The following CDH11 variants were observed in gnomAD, a reference collection of about 807,000 sequenced individuals.
CDH11 encodes the protein cadherin-11.
Under a neutral mutation model 67.8 loss-of-function variants are expected in CDH11, and 11 were observed. That is an observed-to-expected ratio of 0.16 (90% CI 0.10 to 0.27). CDH11 has a LOEUF of 0.27. Among genes scored for constraint, CDH11 ranks in the 10% least tolerant of loss-of-function variants. The pLI is 1.00. For missense variants in CDH11, 847 were observed against 1,031.2 expected (o/e 0.82, Z 2.45); for synonymous variants, 419 against 400.0 (o/e 1.05, Z -0.57).
intron 5 of CDH11, 49 bp from the exon 6 acceptor site, chr16:64,991,984 GACA>G (rs776368763): frequency 2.9e-5 from 40 of 1,396,564 alleles, no homozygotes; most frequent in Non-Finnish European, 3.4e-5. Context: ...ATAACATTAT[GACA>G]ACAAGAAAGT....
chr16:65,000,366 G>A (rs1233372923), intron 3 of CDH11, among the ~76,000 whole-genome samples: 1 of 152,114 alleles, frequency 6.6e-6, no homozygotes, highest in Non-Finnish European at 1.5e-5. Context: ...TCTGCCCTTT[G>A]TGGGAAAAAG....
upstream of CDH11, among the ~76,000 whole-genome samples, chr16:65,122,973 G>A (rs2142909763): frequency 6.6e-6 from 1 of 152,298 alleles, no homozygotes; most frequent in African/African-American, 2.4e-5. Flanking sequence ...CGGGAGAAAG[G>A]GCCTAATGGG....
intron 1 of CDH11, chr16:65,094,854 G>C (rs2074860100): frequency 6.6e-6 from 1 of 152,036 alleles, no homozygotes; most frequent in African/African-American, 2.4e-5. Context: ...CTAGACACCA[G>C]ACATGTGGCA....
intron 1 of CDH11, among the ~76,000 whole-genome samples, chr16:65,074,544 CTTT>C (rs2074475327): frequency 6.6e-6 from 1 of 152,066 alleles, no homozygotes; most frequent in African/African-American, 2.4e-5. Flanking sequence ...AATGGCATGA[CTTT>C]TTCCAAAGTC....
chr16:65,040,685 AC>A (rs1291362280), intron 2 of CDH11, among the ~76,000 whole-genome samples: 2 of 152,216 alleles, frequency 1.3e-5, no homozygotes, highest in Non-Finnish European at 2.9e-5. Flanking sequence ...GTGCACATGT[AC>A]CCTAAAACGT....
intron 2 of CDH11, among the ~76,000 whole-genome samples, chr16:65,012,447 A>C (rs1172220579): frequency 1.3e-5 from 2 of 152,232 alleles, no homozygotes; most frequent in Non-Finnish European, 2.9e-5. Context: ...GGGAACTAAA[A>C]TAGGAAGGTT....
At chr16:65,074,626 T>TC (rs1320996085) in intron 1 of CDH11, among the ~76,000 whole-genome samples, 1 of 152,128 alleles carries the variant, frequency 6.6e-6, no homozygotes, top group Non-Finnish European at 1.5e-5. Context: ...TGTGTAATTT[T>TC]CCCTATTTCC....
chr16:64,998,081 C>T (rs908774476), intron 4 of CDH11, among the ~76,000 whole-genome samples: 2 of 152,194 alleles, frequency 1.3e-5, no homozygotes, highest in African/African-American at 2.4e-5. Flanking sequence ...AAAAGATATA[C>T]GTACTTCTGA....
chr16:64,960,316 TGAA>T (rs1204031775), intron 11 of CDH11, among the ~76,000 whole-genome samples: 1 of 152,196 alleles, frequency 6.6e-6, no homozygotes, highest in East Asian at 1.9e-4. Flanking sequence ...TTAAAATTTT[TGAA>T]GAAGATTATA....
intron 4 of CDH11, among the ~76,000 whole-genome samples, chr16:64,997,393 A>C (rs1336758923): frequency 6.6e-6 from 1 of 151,572 alleles, no homozygotes; most frequent in Non-Finnish European, 1.5e-5. Flanking sequence ...ACTAAAAAAA[A>C]AAAAAAAGCC....
At chr16:64,966,350 A>C (rs894154664) in intron 11 of CDH11, among the ~76,000 whole-genome samples, 9 of 152,070 alleles carry the variant, frequency 5.9e-5, no homozygotes, top group Non-Finnish European at 1.2e-4. Context: ...GATTCACAAA[A>C]GTACTTGTAG....
rs2072590700 is a variant in CDH11, at chr16:64,990,015, T to C, written c.812-1671A>G. On this transcript the variant is annotated intron_variant, in intron 6 of 12. Transcript: ENST00000268603. ...TCTATATTAAAGGATGAGTGGGAAGTGGGAGTCCCTTGTAGATAATTACCA... is the reference window on the plus strand; with the variant it reads ...TCTATATTAAAGGATGAGTGGGAAGCGGGAGTCCCTTGTAGATAATTACCA... Among the ~76,000 whole-genome samples, 3 of 152,172 alleles carry C rather than the reference T, an allele frequency of 2.0e-5. No individual in the cohort carries two copies. In the South Asian group the frequency reaches 6.2e-4, roughly 32 times the overall value.
chr16:65,118,745 A>C (rs1031562498), intron 1 of CDH11: 1 of 152,228 alleles, frequency 6.6e-6, no homozygotes, highest in African/African-American at 2.4e-5. Context: ...CAAGAAAAAA[A>C]GTTTGATACC....
At chr16:65,101,071 T>C (rs952219481) in intron 1 of CDH11, among the ~76,000 whole-genome samples, 16 of 152,236 alleles carry the variant, frequency 1.1e-4, no homozygotes, top group African/African-American at 3.6e-4. Context: ...GTGTAGGCTA[T>C]ATTCTTCCAG....
chr16:65,001,370 A>G (rs966174947), intron 3 of CDH11, among the ~76,000 whole-genome samples: 2 of 152,174 alleles, frequency 1.3e-5, no homozygotes, highest in Non-Finnish European at 2.9e-5. Flanking sequence ...CCCAATCTTC[A>G]TTCAGCCAAG....
At chr16:64,959,055 C>G (rs1237694014) in intron 11 of CDH11, among the ~76,000 whole-genome samples, 1 of 152,126 alleles carries the variant, frequency 6.6e-6, no homozygotes, top group Non-Finnish European at 1.5e-5. Flanking sequence ...CCTTAACGTA[C>G]TAATGAAAAT....
chr16:65,011,124 C>T (rs2073176346), intron 2 of CDH11, among the ~76,000 whole-genome samples: 2 of 148,620 alleles, frequency 1.3e-5, no homozygotes, highest in African/African-American at 5.0e-5. Context: ...CATACACACA[C>T]ACACACACAT....
chr16:65,002,890 T>C (rs2072953971), intron 3 of CDH11, among the ~76,000 whole-genome samples: 1 of 152,090 alleles, frequency 6.6e-6, no homozygotes, highest in Admixed American at 6.5e-5. Context: ...ATCATTTACA[T>C]TGAATGTCCT....
intron 1 of CDH11, among the ~76,000 whole-genome samples, chr16:65,110,780 G>T (rs1485017685): frequency 6.6e-6 from 1 of 152,002 alleles, no homozygotes; most frequent in Admixed American, 6.6e-5. Flanking sequence ...TAAGCCCCTG[G>T]AGTAGAAGGA....
Sources: allele counts gnomAD v4.1 joint callset (sites outside exome capture counted in the v4.1 genomes callset), GRCh38; gene constraint gnomAD v4.1.1; transcripts MANE v1.5; gene names NCBI Gene and HGNC (gene_info 2026-07-23, HGNC 2026-07-21).